Variants in NTN1 observed in about 807,000 individuals in gnomAD.
NTN1 encodes netrin 1.
NTN1 carries 11 observed loss-of-function variants against 54.2 expected under a neutral mutation model. The ratio of observed to expected loss-of-function variants is 0.20; its 90% CI spans 0.13 to 0.34. The LOEUF is 0.34. NTN1 is among the 10% of genes least tolerant of loss of function. The pLI is 1.00. For missense variants in NTN1, 740 were observed against 893.1 expected (o/e 0.83, Z 2.18); for synonymous variants, 371 against 382.0 (o/e 0.97, Z 0.33).
At chr17:9,027,129 T>G (rs2091873937) in intron 2 of NTN1, among the ~76,000 whole-genome samples, 2 of 152,074 alleles carry the variant, frequency 1.3e-5, no homozygotes. Context: ...CCATGAGAAA[T>G]CCAATGCCCC....
chr17:9,086,537 G>A (rs546969526), intron 2 of NTN1, among the ~76,000 whole-genome samples: 5 of 152,270 alleles, frequency 3.3e-5, no homozygotes, highest in African/African-American at 1.2e-4. Context: ...GTTAGAACGG[G>A]TGCTATGGAA....
chr17:9,182,851 A>T, intron 4 of NTN1, 65 bp from the exon 5 acceptor site: 1 of 1,559,446 alleles, frequency 6.4e-7, no homozygotes, highest in South Asian at 1.1e-5. Flanking sequence ...TTCTAAAGTC[A>T]AAAAATCATG....
Position 9,242,026 on chromosome 17 carries a change from G to A in NTN1, c.*2058G>A, listed in dbSNP as rs1906231153. The A allele has an allele frequency of 2.0e-5, 3 of 152,452 alleles. No individual in the cohort carries two copies. The highest frequency in any genetic ancestry group is 1.3e-4 in the Admixed American group (2 of 15,290). 9.4% of individuals were successfully genotyped at this position (152,452 alleles called of 1,614,324 possible). On this transcript the variant is annotated 3_prime_UTR_variant, in exon 7 of 7. Coordinates refer to ENST00000173229, the MANE Select transcript of NTN1 (RefSeq NM_004822.3). ...GCTGGAGAACAGGAGCCCGGGGTGG[G>A]GTAGGGCATGGGGACAATCACATCT...
rs964753169 is a variant in NTN1 at position 9,243,608 on chromosome 17, G to C, written c.*3640G>C. ...CCGGGGGGGATCAAAATGTGTACTT[G>C]TGGGGTCTCGCCCCTTGCCAAAAGC... On this transcript the variant is annotated 3_prime_UTR_variant, in exon 7 of 7. Transcript: ENST00000173229. 1.3e-5 allele frequency: 2 copies of C among 152,148 alleles called. No homozygotes were observed. The highest frequency in any genetic ancestry group is 4.8e-5 in the African/African-American group (2 of 41,404). 9.4% of individuals were successfully genotyped at this position (152,148 alleles called of 1,614,324 possible). A position where few individuals can be genotyped will look rare whatever the true frequency, so the allele number is the denominator to read the frequency against.
At chr17:9,137,412 G>T (rs2142276424) in intron 2 of NTN1, among the ~76,000 whole-genome samples, 1 of 152,288 alleles carries the variant, frequency 6.6e-6, no homozygotes, top group East Asian at 1.9e-4. Flanking sequence ...TGGACACTCA[G>T]TGAAGATTGT....
intron 2 of NTN1, among the ~76,000 whole-genome samples, chr17:9,050,934 C>T (rs1220833648): frequency 6.6e-6 from 1 of 152,152 alleles, no homozygotes; most frequent in Non-Finnish European, 1.5e-5. Flanking sequence ...TCCCAGTCTC[C>T]CTCTTGCCCT....
chr17:9,183,116 A>G, intron 5 of NTN1, 147 bp downstream of exon 5: 1 of 809,142 alleles, frequency 1.2e-6, no homozygotes, highest in Non-Finnish European at 2.1e-6. Context: ...CCTGGGTTGC[A>G]TTGAAGAAGC....
chr17:9,232,261 GA>G (rs778895448), intron 6 of NTN1, among the ~76,000 whole-genome samples: 5 of 152,166 alleles, frequency 3.3e-5, no homozygotes, highest in Non-Finnish European at 7.4e-5. Flanking sequence ...CCTGCATCCC[GA>G]GGGCACCCCA....
At position 9,198,478 on chromosome 17, in the gene NTN1, C is replaced by T. The variant is rs77237371; in HGVS notation, c.1411+15509C>T. 1.1e-3 allele frequency among the ~76,000 whole-genome samples: 161 copies of T among 152,214 alleles called. 4 individuals are homozygous for T. The East Asian group carries it at 0.029, about 28-fold the overall frequency. Reference sequence around the variant, plus strand: ...ACAGGTCCAGTCAAGGGGCTCTGGGCGGGGCTCCAGCCACCTCTGCTATAC... The same window carrying T: ...ACAGGTCCAGTCAAGGGGCTCTGGGTGGGGCTCCAGCCACCTCTGCTATAC... On this transcript the variant is annotated intron_variant, in intron 5 of 6. Coordinates refer to ENST00000173229, the MANE Select transcript of NTN1 (RefSeq NM_004822.3).
intron 2 of NTN1, among the ~76,000 whole-genome samples, chr17:9,132,362 A>G (rs908554276): frequency 6.6e-6 from 1 of 152,052 alleles, no homozygotes; most frequent in South Asian, 2.1e-4. Context: ...GAAAACTCCT[A>G]TGCATCTCAC....
the NTN1 span, among the ~76,000 whole-genome samples, chr17:9,007,421 CTTTT>C: frequency 1.4e-5 from 2 of 144,792 alleles, no homozygotes; most frequent in African/African-American, 5.1e-5. Context: ...TTCTCTCTTT[CTTTT>C]TCTTTCTTCC....
At chr17:9,088,064 A>G (rs2092095284) in intron 2 of NTN1, among the ~76,000 whole-genome samples, 1 of 152,180 alleles carries the variant, frequency 6.6e-6, no homozygotes, top group African/African-American at 2.4e-5. Flanking sequence ...TCCAGAGCTG[A>G]GACGCATACT....
intron 2 of NTN1, among the ~76,000 whole-genome samples, chr17:9,129,847 G>A (rs1452114121): frequency 6.6e-6 from 1 of 152,198 alleles, no homozygotes; most frequent in Non-Finnish European, 1.5e-5. Context: ...CTGGCAAGGT[G>A]TGGGAACGTG....
At chr17:9,220,831 T>C (rs1327260732) in intron 5 of NTN1, among the ~76,000 whole-genome samples, 4 of 151,714 alleles carry the variant, frequency 2.6e-5, no homozygotes, top group Non-Finnish European at 5.9e-5. Flanking sequence ...CAGGCTCCAG[T>C]TGAGTCTTAA....
chr17:9,157,274 A>G (rs937321172), intron 2 of NTN1, among the ~76,000 whole-genome samples: 23 of 152,252 alleles, frequency 1.5e-4, no homozygotes, highest in African/African-American at 5.5e-4. Flanking sequence ...ACCCATGGAT[A>G]GTTGAGAGTG....
chr17:9,113,554 G>C (rs1248194357), intron 2 of NTN1, among the ~76,000 whole-genome samples: 3 of 152,132 alleles, frequency 2.0e-5, no homozygotes, highest in Non-Finnish European at 4.4e-5. Flanking sequence ...TATACAGCAA[G>C]CTCCGGGAGA....
At chr17:9,180,667 G>C (rs540053640) in intron 4 of NTN1, among the ~76,000 whole-genome samples, 1 of 152,182 alleles carries the variant, frequency 6.6e-6, no homozygotes, top group Non-Finnish European at 1.5e-5. Flanking sequence ...CAGAAAGGAC[G>C]GACAGCCCAG....
intron 2 of NTN1, among the ~76,000 whole-genome samples, chr17:9,101,915 C>T (rs996338955): frequency 6.6e-6 from 1 of 152,214 alleles, no homozygotes; most frequent in Non-Finnish European, 1.5e-5. Flanking sequence ...TTGCTTGAGC[C>T]CAGGAGTTGG....
At chr17:9,027,954 T>G (rs2091876609) in intron 2 of NTN1, among the ~76,000 whole-genome samples, 2 of 152,000 alleles carry the variant, frequency 1.3e-5, no homozygotes, top group Non-Finnish European at 2.9e-5. Flanking sequence ...TGAAACCCCG[T>G]CTCTACTAAA....
Sources: gnomAD v4.1 joint callset for allele counts (sites outside exome capture counted in the v4.1 genomes callset) on GRCh38, gnomAD v4.1.1 for gene constraint, MANE v1.5 for transcripts, NCBI Gene and HGNC (gene_info 2026-07-23, HGNC 2026-07-21) for gene names.